Variants in UBR4 observed in about 807,000 individuals in gnomAD.
UBR4 encodes the protein ubiquitin protein ligase E3 component n-recognin 4.
A neutral mutation model predicts 575.6 loss-of-function variants in UBR4; 124 were observed. That is an observed-to-expected ratio of 0.22 (90% CI 0.19 to 0.25). The LOEUF is 0.25. UBR4 is among the 10% of genes least tolerant of loss of function. UBR4 has a pLI of 1.00. For missense variants in UBR4, 4,818 were observed against 6,478.8 expected (o/e 0.74, Z 8.80); for synonymous variants, 2,455 against 2,473.7 (o/e 0.99, Z 0.22).
chr1:19,130,361 A>T (rs907530560), intron 60 of UBR4, among the ~76,000 whole-genome samples: 1 of 152,156 alleles, frequency 6.6e-6, no homozygotes, highest in Admixed American at 6.5e-5. Context: ...GCAAGACCTC[A>T]TCTCTACAAA....
In UBR4 at chr1:19,152,246, T is replaced by C; in HGVS notation, c.6996+67A>G. On this transcript the variant is annotated intron_variant, in intron 47 of 105. Coordinates refer to ENST00000375254, the MANE Select transcript of UBR4 (RefSeq NM_020765.3). This position sits in a 1 kb window ranked among gnomAD's most constrained non-coding sequence, Gnocchi z 4.4. Reference sequence around the variant, plus strand: ...TATACTTGCTTTCTAAAAGGAGATGTGTTCTCAAACCATATTGTTTGAGTC... The same window carrying C: ...TATACTTGCTTTCTAAAAGGAGATGCGTTCTCAAACCATATTGTTTGAGTC... 25 of 1,583,038 alleles carry C rather than the reference T, an allele frequency of 1.6e-5. No individual in the cohort carries two copies. The highest frequency in any genetic ancestry group is 2.1e-5 in the Non-Finnish European group (24 of 1,157,652).
At chr1:19,174,263 G>A in intron 22 of UBR4, 56 bp downstream of exon 22, 1 of 1,556,886 alleles carries the variant, frequency 6.4e-7, no homozygotes, top group Non-Finnish European at 8.6e-7. Flanking sequence ...ATTTCTGATA[G>A]AAATGATCAA....
chr1:19,098,368 C>T (rs1207500111), intron 90 of UBR4, among the ~76,000 whole-genome samples: 1 of 152,216 alleles, frequency 6.6e-6, no homozygotes, highest in Non-Finnish European at 1.5e-5. Flanking sequence ...AAACTCAGAA[C>T]TTTGCCAGAA....
At position 19,093,898 on chromosome 1, in the gene UBR4, G is replaced by A. The variant is rs1106839; in HGVS notation, c.13937+51C>T. On this transcript the variant is annotated intron_variant, in intron 95 of 105. Coordinates refer to ENST00000375254, the MANE Select transcript of UBR4 (RefSeq NM_020765.3). This position sits in a 1 kb window ranked among gnomAD's most constrained non-coding sequence, Gnocchi z 4.8. ...CTTCCTCATCTCACAGACCTAGTTC[G>A]GCGTTTTAGTGGAGACTCTCATTTC... 977,149 of 1,558,778 alleles carry A rather than the reference G, an allele frequency of 0.63. 310,104 individuals carry two copies. The highest frequency in any genetic ancestry group is 0.83 in the East Asian group (36,553 of 44,182).
intron 69 of UBR4, 89 bp from the exon 70 acceptor site, chr1:19,119,790 C>T (rs1353041596): frequency 2.0e-6 from 3 of 1,492,708 alleles, no homozygotes; most frequent in Admixed American, 4.0e-5. Context: ...CCTCAATTTC[C>T]CCACAATTAT....
At chr1:19,163,892 G>T in intron 33 of UBR4, 65 bp from the exon 34 acceptor site, 1 of 1,530,998 alleles carries the variant, frequency 6.5e-7, no homozygotes, top group Non-Finnish European at 9.0e-7. Flanking sequence ...CCAACGAAAT[G>T]AGGCATCTTC....
chr1:19,084,850 G>T, intron 101 of UBR4, 152 bp from the exon 102 acceptor site: 1 of 725,146 alleles, frequency 1.4e-6, no homozygotes, highest in Non-Finnish European at 2.2e-6. Context: ...TGAGGCCAAG[G>T]CTGGGGCCAG....
intron 37 of UBR4, 25 bp downstream of exon 37, chr1:19,161,564 T>C: frequency 6.4e-7 from 1 of 1,571,692 alleles, no homozygotes; most frequent in Non-Finnish European, 8.6e-7. Context: ...AGCCACCCTT[T>C]ATAGCTCAGG....
chr1:19,180,192 A>AT (rs929368960), intron 17 of UBR4, among the ~76,000 whole-genome samples: 2 of 149,358 alleles, frequency 1.3e-5, no homozygotes, highest in Admixed American at 6.6e-5. Flanking sequence ...TTCTTTATTT[A>AT]TTTATTTTTT....
In UBR4 at chr1:19,197,667, T is replaced by C; in HGVS notation, c.893+3A>G. ...AAAGCATGTGCACTGTGAAGCACCTTACCCATTACGAACAGCAGTGGCATC... is the reference window on the plus strand; with the variant it reads ...AAAGCATGTGCACTGTGAAGCACCTCACCCATTACGAACAGCAGTGGCATC... On this transcript the variant is annotated splice_donor_region_variant and intron_variant, in intron 7 of 105. Transcript: ENST00000375254. 1 of 1,613,958 alleles carries C rather than the reference T, an allele frequency of 6.2e-7. No homozygotes were observed. Among genetic ancestry groups the C allele is most frequent in the African/African-American group, 1.3e-5 (1 of 75,022 alleles).
chr1:19,130,630 GTC>G (rs1174994582), intron 60 of UBR4, among the ~76,000 whole-genome samples: 1 of 152,204 alleles, frequency 6.6e-6, no homozygotes, highest in Non-Finnish European at 1.5e-5. Context: ...CCACGCATGT[GTC>G]TGTTAATAAT....
rs770317755 is a variant in UBR4 at position 19,160,191 on chromosome 1, C to T, written c.5497G>A (p.Gly1833Arg). The T allele has an allele frequency of 3.1e-6, 5 of 1,613,874 alleles. No homozygotes were observed. The highest frequency in any genetic ancestry group is 3.4e-6 in the Non-Finnish European group (4 of 1,180,002). The change falls in exon 39 of 106, where the codon GGG becomes AGG. Residue 1833 changes from glycine to arginine, a missense_variant. By Grantham distance (125) the Gly-to-Arg change is moderately radical. Coordinates refer to ENST00000375254, the MANE Select transcript of UBR4 (RefSeq NM_020765.3). ...QTNFQQASAV[G>R]SSSRAQQALS... Reference sequence around the variant, plus strand: ...GCTTGCTGAGCACGGCTGCTGCTCCCGACGGCTGAAGCTTGCTGGAAGTTG... The same window carrying T: ...GCTTGCTGAGCACGGCTGCTGCTCCTGACGGCTGAAGCTTGCTGGAAGTTG...
chr1:19,175,534 C>A (rs1448781515), intron 20 of UBR4, among the ~76,000 whole-genome samples: 5 of 152,120 alleles, frequency 3.3e-5, no homozygotes, highest in Admixed American at 6.5e-5. Flanking sequence ...CAAACACACA[C>A]TAAAAATGAA....
Position 19,139,057 on chromosome 1 carries a change from A to G in UBR4, c.8731+26T>C. 6.3e-7 allele frequency: 1 copy of G among 1,592,306 alleles called. No homozygotes were observed. The highest frequency in any genetic ancestry group is 1.1e-5 in the South Asian group (1 of 89,206). On this transcript the variant is annotated intron_variant, in intron 59 of 105. Transcript: ENST00000375254. The surrounding 1 kb of genome is among the most constrained non-coding windows in gnomAD (Gnocchi z 4.2). ...TTGTCCCCACCCTCTGCCCAAGGAG[A>G]CAGGACCCCCGCCATGGCACATTAC...
At chr1:19,099,470 G>C in intron 90 of UBR4, 127 bp downstream of exon 90, 1 of 772,784 alleles carries the variant, frequency 1.3e-6, no homozygotes, top group Middle Eastern at 2.4e-4. Context: ...CCCAAACAGG[G>C]ACAGTAAAGC....
chr1:19,081,782 A>G, intron 102 of UBR4: 2 of 704,702 alleles, frequency 2.8e-6, no homozygotes, highest in Non-Finnish European at 5.2e-6. Flanking sequence ...TCTTCGCGGC[A>G]TCTTCCCTTC....
At chr1:19,164,200 C>T (rs1010876780) in intron 33 of UBR4, 53 bp downstream of exon 33, 33 of 1,558,916 alleles carry the variant, frequency 2.1e-5, no homozygotes, top group Non-Finnish European at 2.9e-5. Context: ...AAGAAAGTAA[C>T]CCACTTCTCA....
rs138033529 is a variant in UBR4 at position 19,118,949 on chromosome 1, C to T, written c.10464G>A (p.Glu3488=). 1 of 1,614,150 alleles carries T rather than the reference C, an allele frequency of 6.2e-7. No individual in the cohort carries two copies. The highest frequency in any genetic ancestry group is 1.3e-5 in the African/African-American group (1 of 75,052). The change falls in exon 71 of 106, where the codon GAG becomes GAA. Residue 3488 remains glutamate, a synonymous_variant. Coordinates refer to ENST00000375254, the MANE Select transcript of UBR4 (RefSeq NM_020765.3). ...GAATCTCCACAGCCTTCTGTGAATACTCCTTCAACTGAAACAGAATTCAGT... is the reference window on the plus strand; with the variant it reads ...GAATCTCCACAGCCTTCTGTGAATATTCCTTCAACTGAAACAGAATTCAGT... ...KTPQTEKKLK[E]YSQKAVEILR...
chr1:19,105,763 C>A lies in UBR4; in HGVS notation c.12473G>T (p.Arg4158Leu). Residue 4158 changes from arginine to leucine, a missense_variant, in exon 84 of 106, where the codon CGC (arginine) becomes CTC (leucine). By Grantham distance (102) the Arg-to-Leu change is moderately radical (BLOSUM62 -2). Around this residue, in one of 29 missense-constraint regions of UBR4, gnomAD observed 178 missense variants for 175.5 expected, o/e 1.01. Coordinates refer to ENST00000375254, the MANE Select transcript of UBR4 (RefSeq NM_020765.3). ...AAGCAGGTCCAGGACCTGCTGCTTG[C>A]GGCTGGGAATGGTGGCTAGAGCTTC... ...IVEALATIPS[R>L]KQQVLDLLTS... 2 of 1,609,522 alleles carry A rather than the reference C, an allele frequency of 1.2e-6. No homozygotes were observed. Among genetic ancestry groups the A allele is most frequent in the Non-Finnish European group, 1.7e-6 (2 of 1,178,494 alleles).
Sources: gnomAD v4.1 joint callset for allele counts (sites outside exome capture counted in the v4.1 genomes callset) on GRCh38, gnomAD v4.1.1 for gene constraint, gnomAD v4.1.1 regional missense constraint, Gnocchi (gnomAD v3.1) non-coding constraint, MANE v1.5 for transcripts, NCBI Gene and HGNC (gene_info 2026-07-23, HGNC 2026-07-21) for gene names.